The following CCDC18 variants were observed in gnomAD, a reference collection of about 807,000 sequenced individuals.
CCDC18 encodes coiled-coil domain-containing protein 18.
Under a neutral mutation model 196.0 loss-of-function variants are expected in CCDC18, and 157 were observed. That is an observed-to-expected ratio of 0.80 (90% CI 0.70 to 0.91). The LOEUF is 0.91. CCDC18 is among the 40% of genes least tolerant of loss of function. CCDC18 has a pLI of 0.00. For missense variants in CCDC18, 1,465 were observed against 1,611.6 expected (o/e 0.91, Z 1.56); for synonymous variants, 482 against 529.2 (o/e 0.91, Z 1.22).
intron 6 of CCDC18, among the ~76,000 whole-genome samples, chr1:93,194,146 A>G (rs1652313502): frequency 6.6e-6 from 1 of 152,174 alleles, no homozygotes; most frequent in Non-Finnish European, 1.5e-5. Context: ...TTTGCCTCAT[A>G]GAGAAAGAAA....
At position 93,270,817 on chromosome 1, in the gene CCDC18, A is replaced by G. The variant is rs563601902; in HGVS notation, c.4353+3A>G. The stretch of plus-strand genomic sequence containing the variant: ...AAACAGGTGCTGGTTTAAATCAGGT[A>G]TGTATTTTATACACTGTAAACTGTA... On this transcript the variant is annotated splice_donor_region_variant and intron_variant, in intron 28 of 28. Transcript: ENST00000690025. 6.6e-7 allele frequency: 1 copy of G among 1,511,596 alleles called. No homozygotes were observed. Among genetic ancestry groups the G allele is most frequent in the African/African-American group, 1.4e-5 (1 of 71,248 alleles). The allele number at this position is 1,511,596 out of a possible 1,614,324, so 93.6% of individuals were successfully genotyped here.
chr1:93,221,724 T>G lies in CCDC18; in HGVS notation c.2078T>G (p.Leu693Arg), dbSNP rs1557648769. 1 of 1,599,576 alleles carries G rather than the reference T, an allele frequency of 6.3e-7. No homozygotes were observed. Among genetic ancestry groups the G allele is most frequent in the East Asian group, 2.2e-5 (1 of 44,450 alleles). ...CATCATCTTGAATCACTAGATAGACTCTTGACGGAAAGCAAAGGGGTAAAA... is the reference window on the plus strand; with the variant it reads ...CATCATCTTGAATCACTAGATAGACGCTTGACGGAAAGCAAAGGGGTAAAA... ...KQHHLESLDR[L>R]LTESKGEMKK... The change falls in exon 15 of 29, where the codon CTC becomes CGC. Residue 693 changes from leucine to arginine, a missense_variant. Coordinates refer to ENST00000690025, the MANE Select transcript of CCDC18 (RefSeq NM_001378204.1).
At chr1:93,183,237 C>T (rs564338525) in intron 1 of CCDC18, 123 bp from the exon 2 acceptor site, 1 of 654,010 alleles carries the variant, frequency 1.5e-6, no homozygotes, top group East Asian at 2.9e-5. Context: ...TTTAAACCAC[C>T]ATGAAAGATT....
At chr1:93,270,168 C>T (rs1415535023) in intron 27 of CCDC18, among the ~76,000 whole-genome samples, 179 bp from the exon 28 acceptor site, 2 of 152,000 alleles carry the variant, frequency 1.3e-5, no homozygotes, top group Non-Finnish European at 2.9e-5. Context: ...GTAATTTTCC[C>T]AAAGTGAACC....
At chr1:93,189,449 T>C (rs1651332382) in intron 4 of CCDC18, among the ~76,000 whole-genome samples, 1 of 152,210 alleles carries the variant, frequency 6.6e-6, no homozygotes, top group Non-Finnish European at 1.5e-5. Flanking sequence ...CAGATACCTT[T>C]TCAATATACT....
chr1:93,180,525 GTTCCCATGGC>G, upstream of CCDC18: 1 of 1,523,744 alleles, frequency 6.6e-7, no homozygotes, highest in African/African-American at 1.4e-5. Context: ...ACGGCCTCCG[GTTCCCATGGC>G]TTCCCCCACC....
At chr1:93,244,532 A>G (rs1345545922) in intron 21 of CCDC18, among the ~76,000 whole-genome samples, 1 of 152,194 alleles carries the variant, frequency 6.6e-6, no homozygotes, top group Non-Finnish European at 1.5e-5. Flanking sequence ...AGAAAGAAAG[A>G]TTAGTGGTTG....
At chr1:93,234,679 T>C (rs2100753985) in intron 18 of CCDC18, among the ~76,000 whole-genome samples, 1 of 152,296 alleles carries the variant, frequency 6.6e-6, no homozygotes, top group Non-Finnish European at 1.5e-5. Context: ...TAATTAAGAA[T>C]TGAGTAGGTG....
chr1:93,266,267 C>G (rs1664486328), intron 27 of CCDC18, among the ~76,000 whole-genome samples: 1 of 152,106 alleles, frequency 6.6e-6, no homozygotes, highest in African/African-American at 2.4e-5. Flanking sequence ...CACAACATAC[C>G]AGAATCTCTG....
At chr1:93,252,011 A>ATCTG (rs200105789) in intron 23 of CCDC18, among the ~76,000 whole-genome samples, 2 of 130,516 alleles carry the variant, frequency 1.5e-5, no homozygotes, top group Non-Finnish European at 1.6e-5. Context: ...TTATCTATCT[A>ATCTG]TCTGTCTGTC....
At chr1:93,180,041 C>T (rs1228247184), upstream of CCDC18, 2 of 1,610,754 alleles carry the variant, frequency 1.2e-6, no homozygotes, top group Admixed American at 1.7e-5. Context: ...GCTGGTTTAT[C>T]CTCCGCACTT....
chr1:93,239,337 C>A lies in CCDC18; in HGVS notation c.2631C>A (p.Tyr877Ter). The A allele has an allele frequency of 6.2e-7, 1 of 1,611,610 alleles. No individual in the cohort carries two copies. The change falls in exon 20 of 29, where the codon TAC (tyrosine) becomes TAA (stop). Residue 877 changes from tyrosine (Y) to a stop codon, truncating the protein, a stop_gained. Coordinates refer to ENST00000690025, the MANE Select transcript of CCDC18 (RefSeq NM_001378204.1). LOFTEE classifies it high-confidence loss of function. ...ARQVKIEMDQ[Y>*]KEELSKMEKE... ...AAGTAAAGATTGAGATGGATCAGTA[C>A]AAAGAAGAGCTGTCTAAAATGGAAA...
At chr1:93,278,408 C>G in intron 28 of CCDC18, 55 bp from the exon 29 acceptor site, 2 of 737,908 alleles carry the variant, frequency 2.7e-6, no homozygotes, top group Non-Finnish European at 4.2e-6. Context: ...ACTTTTAATG[C>G]TAAATCAGTT....
rs766811138 is a variant in CCDC18, at chr1:93,221,730, C to T, written c.2084C>T (p.Thr695Met). 58 of 1,598,046 alleles carry T rather than the reference C, an allele frequency of 3.6e-5. No homozygotes were observed. The Admixed American group carries it at 6.9e-4, about 19-fold the overall frequency. Residue 695 changes from threonine to methionine, a missense_variant, in exon 15 of 29, where the codon ACG (threonine) becomes ATG (methionine). Physicochemically the swap from Thr to Met is moderately conservative, Grantham distance 81. Transcript: ENST00000690025. The stretch of plus-strand genomic sequence containing the variant: ...CTTGAATCACTAGATAGACTCTTGA[C>T]GGAAAGCAAAGGGGTAAAATCATCC... ...HHLESLDRLL[T>M]ESKGEMKKEN...
chr1:93,195,234 G>A (rs1652530934), intron 6 of CCDC18, among the ~76,000 whole-genome samples: 1 of 152,190 alleles, frequency 6.6e-6, no homozygotes, highest in Non-Finnish European at 1.5e-5. Context: ...GGCAGCATGT[G>A]CAAAGGTATA....
chr1:93,221,971 CTTTTTT>C (rs113139948), intron 16 of CCDC18, 35 bp downstream of exon 16: 2 of 1,144,356 alleles, frequency 1.7e-6, no homozygotes, highest in Non-Finnish European at 2.4e-6. Context: ...TCTTTCTTTC[CTTTTTT>C]TTTTTTTTAA....
At chr1:93,210,959 T>C (rs1416520513) in intron 10 of CCDC18, 33 bp downstream of exon 10, 2 of 1,610,184 alleles carry the variant, frequency 1.2e-6, no homozygotes, top group Non-Finnish European at 1.7e-6. Context: ...TTATAGCAAA[T>C]AGAATGTTTT....
intron 17 of CCDC18, among the ~76,000 whole-genome samples, chr1:93,231,312 A>G (rs1170916955): frequency 6.6e-6 from 1 of 152,196 alleles, no homozygotes; most frequent in Non-Finnish European, 1.5e-5. Context: ...GAAAACTTCT[A>G]AAGAACATTT....
At chr1:93,218,335 AT>A (rs1338030874) in intron 14 of CCDC18, among the ~76,000 whole-genome samples, 1 of 152,142 alleles carries the variant, frequency 6.6e-6, no homozygotes, top group Non-Finnish European at 1.5e-5. Context: ...AACCTTATAT[AT>A]TTTTTCCTAT....
Sources: gnomAD v4.1 joint callset for allele counts (sites outside exome capture counted in the v4.1 genomes callset) on GRCh38, gnomAD v4.1.1 for gene constraint, MANE v1.5 for transcripts, NCBI Gene and HGNC (gene_info 2026-07-23, HGNC 2026-07-21) for gene names.